The following SUGCT variants were observed in gnomAD, a reference collection of about 807,000 sequenced individuals.
The protein encoded by SUGCT is succinyl-CoA:glutarate CoA-transferase.
A neutral mutation model predicts 55.0 loss-of-function variants in SUGCT; 41 were observed. The ratio of observed to expected loss-of-function variants is 0.74; its 90% confidence interval spans 0.58 to 0.97. The LOEUF (loss-of-function observed/expected upper bound fraction) is 0.97. Ranked by LOEUF, SUGCT falls within the 50% of genes least tolerant of loss-of-function variation. SUGCT has a pLI of 0.00. For missense variants in SUGCT, 568 were observed against 547.8 expected (o/e 1.04, Z -0.37); for synonymous variants, 187 against 200.4 (o/e 0.93, Z 0.56).
rs150529938 is a variant in SUGCT, at chr7:40,631,859, T to G, written c.1090-117575T>G. On this transcript the variant is annotated intron_variant, in intron 12 of 13. Transcript: ENST00000335693. ...GTCATGAACAGGCTCCTATCTTTTCTTCTAGGAAAATAGAGATTTACCTCA... is the reference window on the plus strand; with the variant it reads ...GTCATGAACAGGCTCCTATCTTTTCGTCTAGGAAAATAGAGATTTACCTCA... 4.1e-3 allele frequency among the ~76,000 whole-genome samples: 630 copies of G among 152,352 alleles called. 7 individuals carry two copies. The highest frequency in any genetic ancestry group is 0.014 in the African/African-American group (585 of 41,592).
rs997274640 is a variant in SUGCT at position 40,676,512 on chromosome 7, T to G, written c.1090-72922T>G. Among the ~76,000 whole-genome samples, 317 of 150,796 alleles carry G rather than the reference T, an allele frequency of 2.1e-3. 2 individuals are homozygous for G. Among genetic ancestry groups the G allele is most frequent in the African/African-American group, 7.2e-3 (297 of 41,072 alleles). The stretch of plus-strand genomic sequence containing the variant: ...TTGCGGTTTTGTTTTTTGTTTTTTT[T>G]TTTTTTTTGAGATGGAGCCTCACTC... On this transcript the variant is annotated intron_variant, in intron 12 of 13. Transcript: ENST00000335693.
intron 13 of SUGCT, among the ~76,000 whole-genome samples, chr7:40,757,888 C>A (rs1314921115): frequency 6.6e-5 from 10 of 152,076 alleles, no homozygotes; most frequent in Non-Finnish European, 1.3e-4. Context: ...TCACTGAGTG[C>A]ACAAAAAAGT....
intron 12 of SUGCT, among the ~76,000 whole-genome samples, chr7:40,505,304 C>G (rs1453069278): frequency 6.6e-6 from 1 of 151,526 alleles, no homozygotes; most frequent in South Asian, 2.1e-4. Flanking sequence ...TTCTTTAATT[C>G]AATCTGAAAA....
chr7:40,975,682 AC>A, the SUGCT span, among the ~76,000 whole-genome samples: 3 of 151,942 alleles, frequency 2.0e-5, no homozygotes, highest in Non-Finnish European at 4.4e-5. Flanking sequence ...TTATTTTGAA[AC>A]CCATCTTGCA....
chr7:40,881,621 A>G, the SUGCT span, among the ~76,000 whole-genome samples: 23 of 152,252 alleles, frequency 1.5e-4, no homozygotes, highest in African/African-American at 1.9e-4. Flanking sequence ...CTTTCTTAAC[A>G]TGATAGTTGC....
the SUGCT span, among the ~76,000 whole-genome samples, chr7:40,866,035 C>T: frequency 1.3e-5 from 2 of 152,146 alleles, no homozygotes; most frequent in Non-Finnish European, 2.9e-5. Context: ...ATTGGGGGAA[C>T]AGTGTTTTCC....
the SUGCT span, among the ~76,000 whole-genome samples, chr7:40,962,565 TCACACACACACACACACACA>T: frequency 1.3e-3 from 173 of 136,118 alleles, no homozygotes; most frequent in Non-Finnish European, 1.8e-3. Context: ...CAAAGGTAAA[TCACACACACACACACACACA>T]CACACACACA....
intron 13 of SUGCT, among the ~76,000 whole-genome samples, chr7:40,854,427 T>TC (rs747096399): frequency 7.6e-6 from 1 of 131,268 alleles, no homozygotes; most frequent in South Asian, 2.5e-4. Context: ...TTCCTTTCTT[T>TC]CTTTCTTTCT....
At chr7:40,784,257 C>A (rs533883994) in intron 13 of SUGCT, among the ~76,000 whole-genome samples, 36 of 152,202 alleles carry the variant, frequency 2.4e-4, no homozygotes, top group African/African-American at 8.4e-4. Context: ...TTTATCAAAA[C>A]TTAGTTCTGC....
intron 12 of SUGCT, among the ~76,000 whole-genome samples, chr7:40,500,636 A>G (rs1792227947): frequency 6.6e-6 from 1 of 152,156 alleles, no homozygotes; most frequent in Admixed American, 6.5e-5. Flanking sequence ...GAAATATTTG[A>G]TGGCTGAAAA....
intron 12 of SUGCT, among the ~76,000 whole-genome samples, chr7:40,592,119 G>A (rs751035236): frequency 6.6e-6 from 1 of 152,146 alleles, no homozygotes; most frequent in Non-Finnish European, 1.5e-5. Context: ...GAAGACAAAT[G>A]TATGGTAATA....
intron 12 of SUGCT, among the ~76,000 whole-genome samples, chr7:40,699,875 T>G (rs1016656393): frequency 3.3e-5 from 5 of 152,028 alleles, no homozygotes; most frequent in African/African-American, 9.7e-5. Context: ...TAAAATAAAG[T>G]ATAAAATAAG....
chr7:40,391,517 A>G (rs1031355961), intron 9 of SUGCT, among the ~76,000 whole-genome samples: 3 of 152,248 alleles, frequency 2.0e-5, no homozygotes, highest in African/African-American at 4.8e-5. Context: ...TATGCAGCCA[A>G]CAGACACATG....
chr7:40,494,921 T>C (rs2151515950), intron 11 of SUGCT, among the ~76,000 whole-genome samples: 1 of 152,112 alleles, frequency 6.6e-6, no homozygotes, highest in South Asian at 2.1e-4. Flanking sequence ...TGTTTGTTTG[T>C]TTTTTTGAGA....
chr7:40,377,207 T>C (rs113860960), intron 9 of SUGCT, among the ~76,000 whole-genome samples: 2 of 7,544 alleles, frequency 2.7e-4, no homozygotes, highest in Admixed American at 2.9e-3. Context: ...TCTTTTCTTT[T>C]CTTTTCTTTC....
chr7:40,332,367 T>C (rs1192342311), intron 9 of SUGCT, among the ~76,000 whole-genome samples: 1 of 152,068 alleles, frequency 6.6e-6, no homozygotes, highest in Non-Finnish European at 1.5e-5. Context: ...AAGAATACAA[T>C]ATTAAAGAAT....
chr7:40,215,269 A>G (rs569739139), intron 6 of SUGCT, among the ~76,000 whole-genome samples: 2 of 152,190 alleles, frequency 1.3e-5, no homozygotes, highest in African/African-American at 4.8e-5. Flanking sequence ...CGGCCTCCCA[A>G]GTAGCTGGGA....
At chr7:40,613,759 T>C (rs1322621822) in intron 12 of SUGCT, among the ~76,000 whole-genome samples, 1 of 152,064 alleles carries the variant, frequency 6.6e-6, no homozygotes, top group Non-Finnish European at 1.5e-5. Flanking sequence ...TACAGGCGCC[T>C]GCCACCACGC....
rs371470885 is a variant in SUGCT at position 40,438,669 on chromosome 7, A to G, written c.817-10618A>G. The stretch of plus-strand genomic sequence containing the variant: ...CCCCACATCATTTCATTCAGAAGCA[A>G]TTGTTTCTTGAATTTCTTACAGGAG... On this transcript the variant is annotated intron_variant, in intron 9 of 13. Coordinates refer to ENST00000335693, the MANE Select transcript of SUGCT (RefSeq NM_001193313.2). 3.9e-5 allele frequency among the ~76,000 whole-genome samples: 6 copies of G among 152,116 alleles called. No homozygotes were observed. The South Asian group carries it at 1.0e-3, about 26-fold the overall frequency.
Sources: allele counts gnomAD v4.1 joint callset (sites outside exome capture counted in the v4.1 genomes callset), GRCh38; gene constraint gnomAD v4.1.1; transcripts MANE v1.5; gene names NCBI Gene and HGNC (gene_info 2026-07-23, HGNC 2026-07-21).